Variants in DAPK1 observed in about 807,000 individuals in gnomAD.
The protein encoded by DAPK1 is death associated protein kinase 1.
A neutral mutation model predicts 144.9 loss-of-function variants in DAPK1; 56 were observed. The ratio of observed to expected loss-of-function variants is 0.39; its 90% CI spans 0.31 to 0.48. The LOEUF is 0.48. DAPK1 is among the 20% of genes least tolerant of loss of function. DAPK1 has a pLI of 0.95. For missense variants in DAPK1, 1,454 were observed against 1,875.4 expected, an observed-to-expected ratio of 0.78 and a Z score of 4.15; for synonymous variants, 690 against 749.0, an observed-to-expected ratio of 0.92 and a Z score of 1.29.
intron 18 of DAPK1, among the ~76,000 whole-genome samples, chr9:87,660,693 A>G (rs1830814616): frequency 6.6e-6 from 1 of 152,056 alleles, no homozygotes; most frequent in African/African-American, 2.4e-5. Context: ...TTCCCTGTGT[A>G]CACATCATTT....
At chr9:87,640,503 A>G in intron 8 of DAPK1, 53 bp downstream of exon 8, 1 of 1,583,190 alleles carries the variant, frequency 6.3e-7, no homozygotes, top group Non-Finnish European at 8.6e-7. Context: ...GCCAGCCCAG[A>G]GCCTGTGTCT....
chr9:87,675,405 G>A (rs1379155629), intron 19 of DAPK1, among the ~76,000 whole-genome samples: 1 of 152,076 alleles, frequency 6.6e-6, no homozygotes, highest in Non-Finnish European at 1.5e-5. Flanking sequence ...GGAGTGCAAG[G>A]GGCCGGGTAG....
rs368364961 is a variant in DAPK1, at chr9:87,707,015, G to A, written c.3944G>A (p.Arg1315His). The change falls in exon 26 of 26, where the codon CGC becomes CAC. Residue 1315 changes from arginine (R) to histidine (H), a missense_variant. Transcript: ENST00000408954. The surrounding 1 kb of genome is among the most constrained non-coding windows in gnomAD (Gnocchi z 4.0). ...CTCCTCACTCGGAGGAAACTGAGTC[G>A]CCTGCTGGACCCGCCCGACCCCCTG... ...LNLLTRRKLSRLLDPPDPLGK... is the reference protein window; with the variant it reads ...LNLLTRRKLSHLLDPPDPLGK... 17 of 1,613,456 alleles carry A rather than the reference G, an allele frequency of 1.1e-5. No homozygotes were observed. The highest frequency in any genetic ancestry group is 2.2e-5 in the East Asian group (1 of 44,866).
In DAPK1 at chr9:87,567,848, C is replaced by T. The variant is rs138754371; in HGVS notation, c.63-37106C>T. Reference sequence around the variant, plus strand: ...TTGCTGTGTTGAATGGATTGGCTAGCGATCGTTTCCATGGGCATACTGCTC... The same window carrying T: ...TTGCTGTGTTGAATGGATTGGCTAGTGATCGTTTCCATGGGCATACTGCTC... On this transcript the variant is annotated intron_variant, in intron 2 of 25. Coordinates refer to ENST00000408954, the MANE Select transcript of DAPK1 (RefSeq NM_004938.4). 3.4e-3 allele frequency among the ~76,000 whole-genome samples: 520 copies of T among 152,230 alleles called. 4 individuals are homozygous for T. Among genetic ancestry groups the T allele is most frequent in the African/African-American group, 0.012 (495 of 41,552 alleles).
chr9:87,599,910 G>A (rs1024742023), intron 2 of DAPK1, among the ~76,000 whole-genome samples: 5 of 152,120 alleles, frequency 3.3e-5, no homozygotes, highest in Non-Finnish European at 7.4e-5. Context: ...CATCGTATAT[G>A]TATATGTGAT....
At position 87,700,112 on chromosome 9, in the gene DAPK1, C is replaced by T; in HGVS notation, c.2751-5C>T. On this transcript the variant is annotated splice_polypyrimidine_tract_variant and splice_region_variant and intron_variant, in intron 23 of 25. Transcript: ENST00000408954. ...CTGCTGAGGAGGCTGCTGCTCTTCC[C>T]TTAGGTTTGGAAATGATCTTCACAT... 6.2e-7 allele frequency: 1 copy of T among 1,612,006 alleles called. No homozygotes were observed. Among genetic ancestry groups the T allele is most frequent in the Non-Finnish European group, 8.5e-7 (1 of 1,178,116 alleles).
chr9:87,672,911 C>G (rs1183205401), intron 19 of DAPK1, among the ~76,000 whole-genome samples: 1 of 152,162 alleles, frequency 6.6e-6, no homozygotes, highest in East Asian at 1.9e-4. Flanking sequence ...ACCTGCAGTT[C>G]TAACTTGGGT....
intron 2 of DAPK1, among the ~76,000 whole-genome samples, chr9:87,519,081 C>T (rs937233353): frequency 6.6e-6 from 1 of 152,310 alleles, no homozygotes; most frequent in African/African-American, 2.4e-5. Context: ...GCTTGGGGCC[C>T]TGTGCCCAGT....
intron 18 of DAPK1, among the ~76,000 whole-genome samples, chr9:87,665,130 C>A (rs770669323): frequency 6.8e-6 from 1 of 146,892 alleles, no homozygotes. Context: ...CCCCTCATCT[C>A]CCCTGCCCCA....
intron 3 of DAPK1, among the ~76,000 whole-genome samples, chr9:87,617,602 T>C (rs1269004198): frequency 2.6e-5 from 4 of 152,220 alleles, no homozygotes; most frequent in Non-Finnish European, 4.4e-5. Flanking sequence ...ACTGAAAGGG[T>C]GCTGCCAAAA....
At chr9:87,649,547 C>G (rs1367124785) in intron 15 of DAPK1, among the ~76,000 whole-genome samples, 2 of 152,200 alleles carry the variant, frequency 1.3e-5, no homozygotes, top group Non-Finnish European at 2.9e-5. Context: ...CAGCGAGGCA[C>G]TTATTAGAAA....
intron 20 of DAPK1, among the ~76,000 whole-genome samples, chr9:87,684,601 A>G (rs1824769745): frequency 6.6e-6 from 1 of 151,886 alleles, no homozygotes; most frequent in Admixed American, 6.6e-5. Flanking sequence ...CTGTGGGGAC[A>G]CTGAGGGTTG....
chr9:87,548,766 T>C (rs1826357203), intron 2 of DAPK1, among the ~76,000 whole-genome samples: 1 of 152,160 alleles, frequency 6.6e-6, no homozygotes, highest in Non-Finnish European at 1.5e-5. Flanking sequence ...CGCTGCACTG[T>C]ACCTGAGGTT....
intron 2 of DAPK1, among the ~76,000 whole-genome samples, chr9:87,504,972 C>G (rs2118034295): frequency 6.6e-6 from 1 of 152,236 alleles, no homozygotes; most frequent in South Asian, 2.1e-4. Context: ...GGATGCAGAA[C>G]CCACAGATCC....
At chr9:87,670,888 C>T (rs776103261) in intron 19 of DAPK1, among the ~76,000 whole-genome samples, 6 of 152,186 alleles carry the variant, frequency 3.9e-5, no homozygotes, top group Non-Finnish European at 8.8e-5. Flanking sequence ...AGGGAGGAGG[C>T]GTCTCGTGGG....
At chr9:87,519,333 G>A (rs115829982) in intron 2 of DAPK1, among the ~76,000 whole-genome samples, 2,747 of 152,338 alleles carry the variant, frequency 0.018, 95 homozygotes, top group African/African-American at 0.062. Context: ...GAATAGACAG[G>A]AGTGGTATTT....
intron 3 of DAPK1, among the ~76,000 whole-genome samples, chr9:87,619,693 C>T (rs544828619): frequency 6.6e-6 from 1 of 152,196 alleles, no homozygotes; most frequent in South Asian, 2.1e-4. Flanking sequence ...GGGATGGGAA[C>T]GAGCTCAATA....
intron 2 of DAPK1, among the ~76,000 whole-genome samples, chr9:87,510,864 G>A (rs997982153): frequency 4.0e-5 from 6 of 151,732 alleles, no homozygotes; most frequent in East Asian, 1.9e-4. Flanking sequence ...TAGTCATCAC[G>A]GCTAATTCAT....
intron 17 of DAPK1, among the ~76,000 whole-genome samples, chr9:87,652,008 A>C (rs1830460688): frequency 7.4e-6 from 1 of 135,844 alleles, no homozygotes; most frequent in Non-Finnish European, 1.6e-5. Flanking sequence ...CTCCCACCTG[A>C]TCCCGGGTCC....
Sources: gnomAD v4.1 joint callset for allele counts (sites outside exome capture counted in the v4.1 genomes callset) on GRCh38, gnomAD v4.1.1 for gene constraint, Gnocchi (gnomAD v3.1) non-coding constraint, MANE v1.5 for transcripts, NCBI Gene and HGNC (gene_info 2026-07-23, HGNC 2026-07-21) for gene names.